Variants in ARHGAP15 observed in about 807,000 individuals in gnomAD.
ARHGAP15 encodes the protein rho GTPase-activating protein 15.
In ARHGAP15, 51 loss-of-function variants were observed where a neutral mutation model predicts 63.7. The observed-to-expected ratio is 0.80, with a 90% CI of 0.64 to 1.01. The LOEUF (loss-of-function observed/expected upper bound fraction) is 1.01, where lower values mean the gene tolerates loss of function less well. Among genes scored for constraint, ARHGAP15 ranks in the 50% least tolerant of loss-of-function variants. The pLI is 0.00. For missense variants in ARHGAP15, 560 were observed against 564.6 expected, an observed-to-expected ratio of 0.99 and a Z score of 0.08; for synonymous variants, 191 against 193.8, an observed-to-expected ratio of 0.99 and a Z score of 0.12.
chr2:143,608,010 G>C (rs1265285611), intron 11 of ARHGAP15: 1 of 152,160 alleles, frequency 6.6e-6, no homozygotes, highest in East Asian at 1.9e-4. Context: ...TGTGGATAGA[G>C]CAAGGATTGT....
intron 1 of ARHGAP15, among the ~76,000 whole-genome samples, chr2:143,136,149 C>T (rs2104982639): frequency 6.6e-6 from 1 of 151,784 alleles, no homozygotes; most frequent in South Asian, 2.1e-4. Flanking sequence ...TAAGAATTAT[C>T]CTTGATTCTA....
chr2:143,587,719 TG>T, intron 11 of ARHGAP15: 1 of 468,342 alleles, frequency 2.1e-6, no homozygotes, highest in South Asian at 1.6e-5. Context: ...CTATCAGAAC[TG>T]GATGGAGACC....
At chr2:143,369,904 G>A (rs1447087786) in intron 6 of ARHGAP15, among the ~76,000 whole-genome samples, 1 of 151,546 alleles carries the variant, frequency 6.6e-6, no homozygotes, top group Non-Finnish European at 1.5e-5. Flanking sequence ...TATATAATTT[G>A]CCCAATATTT....
intron 12 of ARHGAP15, among the ~76,000 whole-genome samples, chr2:143,668,257 C>T (rs1251011007): frequency 6.6e-6 from 1 of 151,704 alleles, no homozygotes; most frequent in African/African-American, 2.4e-5. Context: ...TAAAGGGTTA[C>T]CTTACTGCCT....
intron 10 of ARHGAP15, among the ~76,000 whole-genome samples, chr2:143,523,914 A>T (rs1038881062): frequency 6.6e-6 from 1 of 152,176 alleles, no homozygotes; most frequent in African/African-American, 2.4e-5. Flanking sequence ...TTTTGACCAC[A>T]ATTTTTTTAA....
intron 11 of ARHGAP15, among the ~76,000 whole-genome samples, chr2:143,614,413 T>A (rs1698380347): frequency 6.6e-6 from 1 of 152,210 alleles, no homozygotes; most frequent in African/African-American, 2.4e-5. Flanking sequence ...AAAATTTGGG[T>A]TCAATAAATA....
At chr2:143,741,759 A>G (rs548852138) in intron 13 of ARHGAP15, among the ~76,000 whole-genome samples, 1 of 152,366 alleles carries the variant, frequency 6.6e-6, no homozygotes, top group African/African-American at 2.4e-5. Context: ...TGGACCACAC[A>G]CAAACCAAAT....
At chr2:143,440,785 G>A (rs540549998) in intron 8 of ARHGAP15, among the ~76,000 whole-genome samples, 336 of 152,264 alleles carry the variant, frequency 2.2e-3, no homozygotes, top group African/African-American at 7.8e-3. Flanking sequence ...GGAAACTCAG[G>A]ACACCAGCCT....
intron 13 of ARHGAP15, among the ~76,000 whole-genome samples, chr2:143,748,929 A>T (rs1206664145): frequency 6.6e-6 from 1 of 152,130 alleles, no homozygotes; most frequent in Non-Finnish European, 1.5e-5. Flanking sequence ...CCCCCAAAAC[A>T]TCTTGTCACT....
At chr2:143,431,862 G>GGATTTATTCTGCACAATCA (rs1387657638) in intron 6 of ARHGAP15, among the ~76,000 whole-genome samples, 1 of 151,884 alleles carries the variant, frequency 6.6e-6, no homozygotes, top group Non-Finnish European at 1.5e-5. Flanking sequence ...ATTATTTGTG[G>GGATTTATTCTGCACAATCA]GATTTATTCT....
chr2:143,651,006 G>C (rs1401099548), intron 12 of ARHGAP15, among the ~76,000 whole-genome samples: 1 of 151,886 alleles, frequency 6.6e-6, no homozygotes, highest in Non-Finnish European at 1.5e-5. Flanking sequence ...TATGCACTAA[G>C]TACATTGTTC....
chr2:143,541,299 T>A (rs1695039784), intron 10 of ARHGAP15, among the ~76,000 whole-genome samples: 1 of 152,180 alleles, frequency 6.6e-6, no homozygotes. Context: ...TCAAAGTTTT[T>A]AACCTCTTTG....
intron 13 of ARHGAP15, among the ~76,000 whole-genome samples, chr2:143,707,578 T>G (rs926246522): frequency 2.0e-5 from 3 of 152,178 alleles, no homozygotes; most frequent in African/African-American, 7.2e-5. Flanking sequence ...AACCCGTATA[T>G]GCAATGTATC....
rs1553463625 is a variant in ARHGAP15, at chr2:143,320,410, C to CCCCCCCCCCCCCG, written c.474+69822_474+69823insGCCCCCCCCCCCC. ...ATGCCACAAATCAGGACTTCCCCAC[C>CCCCCCCCCCCCCG]CCCCCCCCCCCCAGAGATCCTATGA... On this transcript the variant is annotated intron_variant, in intron 6 of 13. Coordinates refer to ENST00000295095, the MANE Select transcript of ARHGAP15 (RefSeq NM_018460.4). Among the ~76,000 whole-genome samples, 55 of 19,004 alleles carry CCCCCCCCCCCCCG rather than the reference C, an allele frequency of 2.9e-3. 2 individuals carry two copies. The highest frequency in any genetic ancestry group is 5.6e-3 in the East Asian group (3 of 536). 12.5% of individuals were successfully genotyped at this position (19,004 alleles called of 152,430 possible). A position where few individuals can be genotyped will look rare whatever the true frequency, so the allele number is the denominator to read the frequency against.
At chr2:143,395,170 AAC>A (rs1687706579) in intron 6 of ARHGAP15, among the ~76,000 whole-genome samples, 1 of 152,204 alleles carries the variant, frequency 6.6e-6, no homozygotes, top group Admixed American at 6.6e-5. Context: ...TTTATTGAGG[AAC>A]AGTCATTACT....
At chr2:143,606,051 A>C (rs1698005287) in intron 11 of ARHGAP15, among the ~76,000 whole-genome samples, 3 of 133,598 alleles carry the variant, frequency 2.2e-5, no homozygotes, top group Non-Finnish European at 3.2e-5. Flanking sequence ...AAAAAAAAAA[A>C]AAAAAAAAAA....
At chr2:143,155,407 A>G in intron 1 of ARHGAP15, 70 bp from the exon 2 acceptor site, 1 of 1,326,520 alleles carries the variant, frequency 7.5e-7, no homozygotes. Context: ...ATTACTAGGG[A>G]CACTCCATCA....
At chr2:143,718,405 C>T (rs538008109) in intron 13 of ARHGAP15, among the ~76,000 whole-genome samples, 1 of 152,152 alleles carries the variant, frequency 6.6e-6, no homozygotes, top group South Asian at 2.1e-4. Flanking sequence ...AACAGTAGAG[C>T]TCAAATTTAA....
intron 1 of ARHGAP15, among the ~76,000 whole-genome samples, chr2:143,146,816 T>A (rs1294758412): frequency 6.6e-6 from 1 of 152,064 alleles, no homozygotes; most frequent in African/African-American, 2.4e-5. Flanking sequence ...AAATTCAATC[T>A]AATAAATTCA....
Sources: gnomAD v4.1 joint callset for allele counts (sites outside exome capture counted in the v4.1 genomes callset) on GRCh38, gnomAD v4.1.1 for gene constraint, MANE v1.5 for transcripts, NCBI Gene and HGNC (gene_info 2026-07-23, HGNC 2026-07-21) for gene names.